The following FSTL5 variants were observed in gnomAD, a reference collection of about 807,000 sequenced individuals.
The protein encoded by FSTL5 is follistatin like 5.
In FSTL5, 62 loss-of-function variants were observed where a neutral mutation model predicts 89.1. The ratio of observed to expected loss-of-function variants is 0.70; its 90% CI spans 0.57 to 0.86. FSTL5 has a LOEUF of 0.86. Ranked by LOEUF, FSTL5 falls within the 40% of genes least tolerant of loss-of-function variation. FSTL5 has a pLI of 0.00. For synonymous variants in FSTL5, 383 were observed against 346.2 expected, an observed-to-expected ratio of 1.11 and a Z score of -1.18; for missense variants, 1,057 against 1,001.6, an observed-to-expected ratio of 1.06 and a Z score of -0.75.
At chr4:161,886,189 G>A (rs936356070) in intron 4 of FSTL5, among the ~76,000 whole-genome samples, 36 of 152,058 alleles carry the variant, frequency 2.4e-4, no homozygotes, top group African/African-American at 7.5e-4. Context: ...TTGTCCTAGG[G>A]AGCAGCTTCC....
intron 3 of FSTL5, among the ~76,000 whole-genome samples, chr4:161,961,963 TTATC>T (rs1282276593): frequency 6.6e-6 from 1 of 151,826 alleles, no homozygotes; most frequent in Non-Finnish European, 1.5e-5. Flanking sequence ...AGCAGATTAG[TTATC>T]TATCAATTAT....
chr4:161,467,307 A>C (rs1416925423), intron 13 of FSTL5, among the ~76,000 whole-genome samples: 1 of 152,160 alleles, frequency 6.6e-6, no homozygotes, highest in East Asian at 1.9e-4. Context: ...TAGAAAAAAT[A>C]GGTAAATAAA....
chr4:162,045,541 T>C (rs1738137771), intron 2 of FSTL5, among the ~76,000 whole-genome samples: 1 of 152,062 alleles, frequency 6.6e-6, no homozygotes, highest in Non-Finnish European at 1.5e-5. Flanking sequence ...AGATCACTTA[T>C]CACAGATCAC....
At chr4:161,642,622 TA>T (rs1423438754) in intron 7 of FSTL5, among the ~76,000 whole-genome samples, 1 of 152,078 alleles carries the variant, frequency 6.6e-6, no homozygotes, top group African/African-American at 2.4e-5. Context: ...TTCAGTACAA[TA>T]AGGAGATACA....
At chr4:161,410,899 T>C (rs1190838643) in intron 15 of FSTL5, among the ~76,000 whole-genome samples, 2 of 150,772 alleles carry the variant, frequency 1.3e-5, no homozygotes, top group South Asian at 2.1e-4. Flanking sequence ...CTTAATGAAA[T>C]TGAAATGTAA....
intron 6 of FSTL5, among the ~76,000 whole-genome samples, chr4:161,660,897 C>T (rs1485622760): frequency 1.3e-5 from 2 of 151,934 alleles, no homozygotes; most frequent in Non-Finnish European, 2.9e-5. Context: ...AGGCTGATTC[C>T]ATGTCTTTGC....
chr4:162,014,033 G>A (rs1736845686), intron 3 of FSTL5, among the ~76,000 whole-genome samples: 1 of 152,086 alleles, frequency 6.6e-6, no homozygotes, highest in African/African-American at 2.4e-5. Flanking sequence ...AGGAGGAAAG[G>A]GGCAGGCCTG....
intron 2 of FSTL5, among the ~76,000 whole-genome samples, chr4:162,097,897 G>A (rs981209066): frequency 6.6e-6 from 1 of 151,864 alleles, no homozygotes; most frequent in African/African-American, 2.4e-5. Flanking sequence ...ATAGAAAAAG[G>A]TCTGGTAGTT....
intron 5 of FSTL5, among the ~76,000 whole-genome samples, 163 bp downstream of exon 5, chr4:161,775,715 C>T (rs954453980): frequency 1.3e-4 from 19 of 151,872 alleles, no homozygotes; most frequent in Non-Finnish European, 7.4e-5. Flanking sequence ...ATTAATATTG[C>T]TGATGATGTA....
chr4:161,795,958 C>A (rs1356378518), intron 4 of FSTL5, among the ~76,000 whole-genome samples: 2 of 151,692 alleles, frequency 1.3e-5, no homozygotes, highest in Non-Finnish European at 3.0e-5. Context: ...TTTTAGAAAT[C>A]TTTGTGTTGT....
chr4:161,522,805 T>C (rs1731084220), intron 10 of FSTL5, among the ~76,000 whole-genome samples: 1 of 151,638 alleles, frequency 6.6e-6, no homozygotes, highest in Non-Finnish European at 1.5e-5. Context: ...GTATAAGTGA[T>C]TCCGAAATTA....
At chr4:161,778,757 A>C (rs930620681) in intron 4 of FSTL5, among the ~76,000 whole-genome samples, 7 of 152,370 alleles carry the variant, frequency 4.6e-5, no homozygotes, top group African/African-American at 1.4e-4. Context: ...TGAGAGAAGT[A>C]ATCAAATCCG....
chr4:161,935,555 A>G (rs1319989285), intron 3 of FSTL5, among the ~76,000 whole-genome samples: 1 of 152,170 alleles, frequency 6.6e-6, no homozygotes, highest in Non-Finnish European at 1.5e-5. Flanking sequence ...CTCTTTAAAT[A>G]CCACAGAGAG....
chr4:161,819,306 G>T (rs1730422470), intron 4 of FSTL5, among the ~76,000 whole-genome samples: 1 of 151,788 alleles, frequency 6.6e-6, no homozygotes. Context: ...ATAAGCAATA[G>T]TTTTTTTTGT....
At chr4:161,482,519 G>A (rs905824778) in intron 12 of FSTL5, among the ~76,000 whole-genome samples, 9 of 152,034 alleles carry the variant, frequency 5.9e-5, no homozygotes, top group African/African-American at 2.2e-4. Context: ...TTTTTCAGCA[G>A]AGATACCATT....
chr4:161,976,404 T>A (rs2111031635), intron 3 of FSTL5, among the ~76,000 whole-genome samples: 1 of 152,294 alleles, frequency 6.6e-6, no homozygotes, highest in Non-Finnish European at 1.5e-5. Flanking sequence ...ATCATCAAAA[T>A]TTCTCAGTGT....
chr4:162,160,314 A>T (rs1733645639), intron 1 of FSTL5, among the ~76,000 whole-genome samples: 1 of 151,866 alleles, frequency 6.6e-6, no homozygotes, highest in Admixed American at 6.6e-5. Flanking sequence ...TAATTGCTTT[A>T]CTGTATGGTT....
intron 1 of FSTL5, among the ~76,000 whole-genome samples, chr4:162,142,178 G>A (rs1732773764): frequency 6.6e-6 from 1 of 152,028 alleles, no homozygotes; most frequent in Non-Finnish European, 1.5e-5. Flanking sequence ...TTGGAGTTGG[G>A]GCAAAGATCT....
chr4:161,547,942 C>A, intron 8 of FSTL5, among the ~76,000 whole-genome samples: 1 of 151,896 alleles, frequency 6.6e-6, no homozygotes, highest in East Asian at 1.9e-4. Context: ...AATATATTAA[C>A]TATCTACAAA....
Sources: allele counts gnomAD v4.1 joint callset (sites outside exome capture counted in the v4.1 genomes callset), GRCh38; gene constraint gnomAD v4.1.1; transcripts MANE v1.5; gene names NCBI Gene and HGNC (gene_info 2026-07-23, HGNC 2026-07-21).